The following FAM162B variants were observed in gnomAD, a reference collection of about 807,000 sequenced individuals.
The protein encoded by FAM162B is family with sequence similarity 162 member B.
A neutral mutation model predicts 20.0 loss-of-function variants in FAM162B; 16 were observed. The ratio of observed to expected loss-of-function variants is 0.80; its 90% CI spans 0.54 to 1.21. The LOEUF is 1.21. Among genes scored for constraint, FAM162B ranks in the 50% most tolerant of loss-of-function variants. FAM162B has a pLI of 0.00. For synonymous variants in FAM162B, 83 were observed against 89.7 expected (o/e 0.93, Z 0.42); for missense variants, 260 against 227.5 (o/e 1.14, Z -0.92).
At chr6:116,755,474 G>C (rs1313397710) in intron 3 of FAM162B, among the ~76,000 whole-genome samples, 1 of 152,224 alleles carries the variant, frequency 6.6e-6, no homozygotes, top group African/African-American at 2.4e-5. Context: ...CTGAAGGAAA[G>C]AAGCTGTCTC....
chr6:116,757,513 A>C (rs1780065438), intron 3 of FAM162B, among the ~76,000 whole-genome samples: 1 of 152,204 alleles, frequency 6.6e-6, no homozygotes, highest in Admixed American at 6.5e-5. Flanking sequence ...TGGGAGGCCA[A>C]GGCAGGAGGA....
At chr6:116,763,156 T>C (rs1163356075) in intron 2 of FAM162B, among the ~76,000 whole-genome samples, 3 of 152,148 alleles carry the variant, frequency 2.0e-5, no homozygotes, top group Non-Finnish European at 4.4e-5. Context: ...ACAGGTCCAA[T>C]TAGTGAGTAT....
At chr6:116,753,782 G>T (rs1048978897) in intron 3 of FAM162B, among the ~76,000 whole-genome samples, 4 of 152,158 alleles carry the variant, frequency 2.6e-5, no homozygotes, top group African/African-American at 9.7e-5. Flanking sequence ...GGGAGTGAGT[G>T]TAGCTAGAGA....
chr6:116,764,398 G>T (rs1771861760), intron 2 of FAM162B, among the ~76,000 whole-genome samples: 2 of 152,180 alleles, frequency 1.3e-5, no homozygotes, highest in South Asian at 4.2e-4. Context: ...ATGCTGCGAA[G>T]GTTTTTGGGC....
intron 3 of FAM162B, among the ~76,000 whole-genome samples, chr6:116,759,532 T>C (rs377296562): frequency 9.9e-5 from 15 of 151,918 alleles, no homozygotes; most frequent in East Asian, 9.7e-4. Context: ...TGATCTCGAT[T>C]TCCTGACCTT....
rs1207415590 is a variant in FAM162B at position 116,765,493 on chromosome 6, C to T, written c.84G>A (p.Thr28=). The T allele has an allele frequency of 7.1e-6, 10 of 1,406,040 alleles. No homozygotes were observed. The East Asian group carries it at 2.5e-4, about 35-fold the overall frequency. The allele number at this position is 1,406,040 out of a possible 1,614,324, so 87.1% of individuals were successfully genotyped here. A position where few individuals can be genotyped will look rare whatever the true frequency, so the allele number is the denominator to read the frequency against. The change falls in exon 1 of 4, where the codon ACG becomes ACA. Residue 28 remains threonine (T), a synonymous_variant. Transcript: ENST00000368557. ...RCGPGAPLEA[T]RRPAPALPPR... ...GCGGAAGAGCCGGTGCGGGCCGTCG[C>T]GTGGCCTCGAGAGGCGCCCCGGGGC...
At position 116,765,624 on chromosome 6, in the gene FAM162B, A is replaced by G. The variant is rs879185651; in HGVS notation, c.-48T>C. ...CACCCGCACCTCCGGACCCAGCCAC[A>G]GGCGTTGTCCCCGCAGCTCTCCTCG... On this transcript the variant is annotated 5_prime_UTR_variant, in exon 1 of 4. Coordinates refer to ENST00000368557, the MANE Select transcript of FAM162B (RefSeq NM_001085480.3). 2 of 1,273,400 alleles carry G rather than the reference A, an allele frequency of 1.6e-6. No homozygotes were observed. The highest frequency in any genetic ancestry group is 6.2e-5 in the South Asian group (2 of 32,400). The allele number at this position is 1,273,400 out of a possible 1,614,324, so 78.9% of individuals were successfully genotyped here. A position where few individuals can be genotyped will look rare whatever the true frequency, so the allele number is the denominator to read the frequency against.
intron 3 of FAM162B, among the ~76,000 whole-genome samples, chr6:116,754,511 C>CT (rs1336336254): frequency 4.6e-5 from 7 of 152,150 alleles, no homozygotes; most frequent in Middle Eastern, 3.4e-3. Flanking sequence ...CACATTTCAT[C>CT]TTTTTTTAAA....
chr6:116,765,681 C>T lies in FAM162B; in HGVS notation c.-105G>A. The stretch of plus-strand genomic sequence containing the variant: ...CCCGGCCTGCCGCGCGCTGGAGAGC[C>T]TGGGACGTGCAGCTGGAACCCCTGG... On this transcript the variant is annotated 5_prime_UTR_variant, in exon 1 of 4. Coordinates refer to ENST00000368557, the MANE Select transcript of FAM162B (RefSeq NM_001085480.3). 8.3e-7 allele frequency: 1 copy of T among 1,199,898 alleles called. No individual in the cohort carries two copies. The highest frequency in any genetic ancestry group is 1.0e-6 in the Non-Finnish European group (1 of 957,606). 74.3% of individuals were successfully genotyped at this position (1,199,898 alleles called of 1,614,324 possible).
Position 116,765,537 on chromosome 6 carries a change from C to A in FAM162B, c.40G>T (p.Gly14Trp), listed in dbSNP as rs982816201. The change falls in exon 1 of 4, where the codon GGG becomes TGG. Residue 14 changes from glycine to tryptophan, a missense_variant. Transcript: ENST00000368557. ...AVGSLLRLGR[G>W]LTVRCGPGAP... ...CCGGGGCCGCAGCGGACTGTTAGCC[C>A]GCGGCCAAGGCGCAGTAGGCTCCCG... 3 of 1,388,308 alleles carry A rather than the reference C, an allele frequency of 2.2e-6. No individual in the cohort carries two copies. Among genetic ancestry groups the A allele is most frequent in the Middle Eastern group, 2.7e-4 (1 of 3,746 alleles). 86.0% of individuals were successfully genotyped at this position (1,388,308 alleles called of 1,614,324 possible).
chr6:116,756,960 A>T (rs1312158644), intron 3 of FAM162B, among the ~76,000 whole-genome samples: 4 of 152,206 alleles, frequency 2.6e-5, no homozygotes, highest in African/African-American at 4.8e-5. Context: ...AATAAATAAG[A>T]ATGGTTTCTT....
intron 3 of FAM162B, among the ~76,000 whole-genome samples, chr6:116,760,064 C>T (rs1780121514): frequency 6.6e-6 from 1 of 152,196 alleles, no homozygotes; most frequent in South Asian, 2.1e-4. Context: ...TCTCCATTTT[C>T]CCTACTACAA....
chr6:116,764,658 A>G (rs1035170521), intron 2 of FAM162B, among the ~76,000 whole-genome samples: 1 of 151,970 alleles, frequency 6.6e-6, no homozygotes, highest in Non-Finnish European at 1.5e-5. Context: ...CCAGAAGAGG[A>G]GGCCGCATGG....
At chr6:116,755,852 A>G (rs1021309596) in intron 3 of FAM162B, among the ~76,000 whole-genome samples, 8 of 152,178 alleles carry the variant, frequency 5.3e-5, no homozygotes, top group African/African-American at 1.9e-4. Flanking sequence ...GTGACAGCAT[A>G]TCTGCTTACA....
chr6:116,761,733 TACAC>T (rs572093016), intron 3 of FAM162B, among the ~76,000 whole-genome samples: 9 of 139,422 alleles, frequency 6.5e-5, no homozygotes, highest in East Asian at 2.2e-4. Flanking sequence ...TACTTATATA[TACAC>T]ACACACACAC....
rs1562466621 is a variant in FAM162B at position 116,752,712 on chromosome 6, ATAT to A, written c.391-20_391-18del. ...TTCTACAGCCTGTGGGGGGGAAGAA[ATAT>A]ATATATATATATATATATAGATACA... On this transcript the variant is annotated intron_variant, in intron 3 of 3. Transcript: ENST00000368557. The A allele has an allele frequency of 6.4e-5, 5 of 78,252 alleles. No homozygotes were observed. Among genetic ancestry groups the A allele is most frequent in the Admixed American group, 1.9e-4 (1 of 5,152 alleles). The allele number at this position is 78,252 out of a possible 1,614,324, so 4.8% of individuals were successfully genotyped here. A position where few individuals can be genotyped will look rare whatever the true frequency, so the allele number is the denominator to read the frequency against.
intron 3 of FAM162B, among the ~76,000 whole-genome samples, chr6:116,757,137 C>T (rs1780060427): frequency 1.3e-5 from 2 of 152,102 alleles, no homozygotes; most frequent in Admixed American, 1.3e-4. Context: ...TGAAGAACAT[C>T]AGGGAGGGTA....
Position 116,765,626 on chromosome 6 carries a change from G to C in FAM162B, c.-50C>G. ...CCCGCACCTCCGGACCCAGCCACAGGCGTTGTCCCCGCAGCTCTCCTCGTC... is the reference window on the plus strand; with the variant it reads ...CCCGCACCTCCGGACCCAGCCACAGCCGTTGTCCCCGCAGCTCTCCTCGTC... On this transcript the variant is annotated 5_prime_UTR_variant, in exon 1 of 4. Coordinates refer to ENST00000368557, the MANE Select transcript of FAM162B (RefSeq NM_001085480.3). The C allele has an allele frequency of 7.9e-7, 1 of 1,272,232 alleles. No homozygotes were observed. 78.8% of individuals were successfully genotyped at this position (1,272,232 alleles called of 1,614,324 possible).
intron 3 of FAM162B, among the ~76,000 whole-genome samples, chr6:116,752,902 G>A (rs1474388989): frequency 6.6e-6 from 1 of 151,734 alleles, no homozygotes; most frequent in East Asian, 1.9e-4. Context: ...TGGGTAAAGA[G>A]GCCATATTTG....
Sources: gnomAD v4.1 joint callset for allele counts (sites outside exome capture counted in the v4.1 genomes callset) on GRCh38, gnomAD v4.1.1 for gene constraint, MANE v1.5 for transcripts, NCBI Gene and HGNC (gene_info 2026-07-23, HGNC 2026-07-21) for gene names.